The following PRRC2C variants were observed in gnomAD, a reference collection of about 807,000 sequenced individuals.
PRRC2C encodes proline rich coiled-coil 2C, also known as protein PRRC2C.
In PRRC2C, 72 loss-of-function variants were observed where a neutral mutation model predicts 317.2. That is an observed-to-expected ratio of 0.23 (90% CI 0.19 to 0.28). The LOEUF (loss-of-function observed/expected upper bound fraction) is 0.28. Among genes scored for constraint, PRRC2C ranks in the 10% least tolerant of loss-of-function variants. The probability of loss-of-function intolerance (pLI) is 1.00; values close to 1 mark genes in which losing one functional copy is unlikely to be tolerated. For missense variants in PRRC2C, 3,074 were observed against 3,459.7 expected, an observed-to-expected ratio of 0.89 and a Z score of 2.80; for synonymous variants, 1,296 against 1,205.9, an observed-to-expected ratio of 1.07 and a Z score of -1.55.
intron 30 of PRRC2C, among the ~76,000 whole-genome samples, chr1:171,586,288 C>T (rs1429376875): frequency 4.0e-5 from 6 of 149,628 alleles, no homozygotes; most frequent in Non-Finnish European, 7.4e-5. Context: ...ACGGAGTTTC[C>T]CCATGTTGGC....
intron 29 of PRRC2C, 69 bp from the exon 30 acceptor site, chr1:171,584,350 A>G (rs1649370192): frequency 1.4e-6 from 2 of 1,433,154 alleles, no homozygotes; most frequent in Admixed American, 2.6e-5. Flanking sequence ...CTTTGAAGTC[A>G]TAATCTCCAC....
intron 13 of PRRC2C, 99 bp downstream of exon 13, chr1:171,535,696 A>G (rs1212072991): frequency 1.5e-5 from 20 of 1,330,744 alleles, no homozygotes; most frequent in East Asian, 9.2e-5. Flanking sequence ...CGTAAAGCAC[A>G]CAAAGTTCCC....
intron 28 of PRRC2C, among the ~76,000 whole-genome samples, chr1:171,580,737 A>T (rs1319658482): frequency 1.3e-5 from 2 of 152,200 alleles, no homozygotes; most frequent in Non-Finnish European, 2.9e-5. Flanking sequence ...AAGAAGAGTG[A>T]GTAAGAGTCA....
intron 20 of PRRC2C, among the ~76,000 whole-genome samples, chr1:171,565,819 A>G (rs1476964140): frequency 6.6e-6 from 1 of 152,170 alleles, no homozygotes; most frequent in African/African-American, 2.4e-5. Context: ...AGTTTTTATT[A>G]TATTTCTTAA....
At position 171,531,487 on chromosome 1, in the gene PRRC2C, A is replaced by G. The variant is rs140013291; in HGVS notation, c.1255-856A>G. ...AATGGTAGTCTGCATTCATTTAAAA[A>G]GATAGTCAAGTGTTTTCGTTGTGTC... On this transcript the variant is annotated intron_variant, in intron 11 of 34. Coordinates refer to ENST00000647382, the MANE Select transcript of PRRC2C (RefSeq NM_001387844.1). Among the ~76,000 whole-genome samples the G allele has an allele frequency of 4.6e-5, 7 of 152,366 alleles. No individual in the cohort carries two copies. The East Asian group carries it at 1.3e-3, about 29-fold the overall frequency.
rs532558312 is a variant in PRRC2C at position 171,592,565 on chromosome 1, GA to G, written c.*720del. The G allele has an allele frequency of 6.9e-4, 105 of 152,346 alleles. No homozygotes were observed. Among genetic ancestry groups the G allele is most frequent in the African/African-American group, 2.5e-3 (104 of 41,578 alleles). 9.4% of individuals were successfully genotyped at this position (152,346 alleles called of 1,614,324 possible). ...TGTTTTGGTTGTGGTCTGAAGCTTT[GA>G]AGCGCTACTTAGCATCTCCTTTCTT... On this transcript the variant is annotated 3_prime_UTR_variant, in exon 35 of 35. Coordinates refer to ENST00000647382, the MANE Select transcript of PRRC2C (RefSeq NM_001387844.1).
At chr1:171,548,034 C>T (rs1263258177) in intron 17 of PRRC2C, among the ~76,000 whole-genome samples, 1 of 152,106 alleles carries the variant, frequency 6.6e-6, no homozygotes, top group Non-Finnish European at 1.5e-5. Context: ...GGCGTGATCT[C>T]GGCTCACTGC....
In PRRC2C at chr1:171,537,473, G is replaced by A. The variant is rs1024021920; in HGVS notation, c.2504G>A (p.Arg835Lys). Reference sequence around the variant, plus strand: ...GCAACAGAAGAGCCTGAGGATGTAAGGTAATAAATTATTTCAATTTAATAG... The same window carrying A: ...GCAACAGAAGAGCCTGAGGATGTAAAGTAATAAATTATTTCAATTTAATAG... Reference protein sequence around the residue: ...PKATEEPEDVRSEAALDQEQI... With the variant: ...PKATEEPEDVKSEAALDQEQI... The change falls in exon 15 of 35, where the codon AGG becomes AAG. Residue 835 changes from arginine to lysine, a missense_variant and splice_region_variant. This residue lies in a region of PRRC2C where 1,320 missense variants were observed against 1,395.7 expected (regional missense o/e 0.95). Coordinates refer to ENST00000647382, the MANE Select transcript of PRRC2C (RefSeq NM_001387844.1). 4 of 1,556,704 alleles carry A rather than the reference G, an allele frequency of 2.6e-6. No individual in the cohort carries two copies. In the African/African-American group the frequency reaches 4.1e-5, roughly 16 times the overall value.
intron 28 of PRRC2C, among the ~76,000 whole-genome samples, chr1:171,583,421 A>C (rs982380545): frequency 6.6e-6 from 1 of 152,050 alleles, no homozygotes; most frequent in East Asian, 1.9e-4. Flanking sequence ...CTACCTCCAC[A>C]TCCTGTCCCA....
rs568834325 is a variant in PRRC2C at position 171,566,685 on chromosome 1, C to G, written c.6400C>G (p.Gln2134Glu). The part of the protein sequence containing the change: ...SLKNRKVKDA[Q>E]QVEPEGQEKP... The stretch of plus-strand genomic sequence containing the variant: ...AAAAAATAGAAAAGTAAAAGATGCC[C>G]AACAGGTGGAGCCAGAAGGACAAGA... The change falls in exon 22 of 35, where the codon CAA becomes GAA. Residue 2134 changes from glutamine (Q) to glutamate (E), a missense_variant. Physicochemically the swap from Gln to Glu is conservative, Grantham distance 29. This residue lies in a region of PRRC2C where 640 missense variants were observed against 676.1 expected (regional missense o/e 0.95). Transcript: ENST00000647382. 1 of 1,612,820 alleles carries G rather than the reference C, an allele frequency of 6.2e-7. No homozygotes were observed. Among genetic ancestry groups the G allele is most frequent in the East Asian group, 2.2e-5 (1 of 44,810 alleles).
intron 7 of PRRC2C, 154 bp downstream of exon 7, chr1:171,522,413 T>G: frequency 2.4e-6 from 1 of 422,162 alleles, no homozygotes; most frequent in Non-Finnish European, 4.3e-6. Flanking sequence ...CTAACTCTTA[T>G]AAGACAGAAC....
At chr1:171,505,323 C>T (rs139877155) in intron 1 of PRRC2C, among the ~76,000 whole-genome samples, 345 of 152,222 alleles carry the variant, frequency 2.3e-3, no homozygotes, top group African/African-American at 7.8e-3. Context: ...CCACCGTGTC[C>T]GGCTGTATTT....
chr1:171,544,336 C>T (rs235465), intron 16 of PRRC2C, among the ~76,000 whole-genome samples: 124,087 of 152,054 alleles, frequency 0.82, 50,718 homozygotes, highest in Middle Eastern at 0.91. Flanking sequence ...GTTTGCCAGG[C>T]TGGTCTCGAA....
intron 28 of PRRC2C, among the ~76,000 whole-genome samples, chr1:171,583,586 G>A (rs1237458548): frequency 6.6e-6 from 1 of 152,178 alleles, no homozygotes; most frequent in Non-Finnish European, 1.5e-5. Context: ...AAAATGTATA[G>A]TAAATACATA....
intron 11 of PRRC2C, among the ~76,000 whole-genome samples, chr1:171,529,212 A>G (rs1239616011): frequency 3.3e-5 from 5 of 152,096 alleles, no homozygotes; most frequent in Non-Finnish European, 7.4e-5. Flanking sequence ...CCTTTTTCTC[A>G]GTCCATTTTA....
chr1:171,573,660 A>G (rs994024253), intron 24 of PRRC2C, among the ~76,000 whole-genome samples: 1 of 137,194 alleles, frequency 7.3e-6, no homozygotes. Context: ...AATATGTACT[A>G]TGTCTCAAAA....
rs1020725798 is a variant in PRRC2C, at chr1:171,523,536, T to C, written c.1055+14T>C. On this transcript the variant is annotated intron_variant, in intron 9 of 34. Transcript: ENST00000647382. ...AGAGAATAACAGGTAAGTTGTGATA[T>C]CTTTTACTAATAACAGTATGAATTT... 6.3e-6 allele frequency: 10 copies of C among 1,578,572 alleles called. No individual in the cohort carries two copies. The Admixed American group carries it at 1.4e-4, about 21-fold the overall frequency.
chr1:171,557,295 C>A lies in PRRC2C; in HGVS notation c.5183C>A (p.Pro1728His). The change falls in exon 19 of 35, where the codon CCT (proline) becomes CAT (histidine). Residue 1728 changes from proline to histidine, a missense_variant. By Grantham distance (77) the Pro-to-His change is moderately conservative. This residue lies in a region of PRRC2C where 640 missense variants were observed against 676.1 expected (regional missense o/e 0.95). Coordinates refer to ENST00000647382, the MANE Select transcript of PRRC2C (RefSeq NM_001387844.1). ...EKGRSQTSKL[P>H]PRFAKKQATG... ...GGAAGAAGCCAGACTTCTAAGCTTC[C>A]TCCAAGATTTGCCAAAAAACAGGCT... 1 of 1,551,950 alleles carries A rather than the reference C, an allele frequency of 6.4e-7. No individual in the cohort carries two copies. The highest frequency in any genetic ancestry group is 8.7e-7 in the Non-Finnish European group (1 of 1,147,034).
intron 1 of PRRC2C, chr1:171,510,413 T>C (rs905391793): frequency 1.3e-5 from 2 of 151,014 alleles, no homozygotes; most frequent in African/African-American, 4.9e-5. Flanking sequence ...CATCAGTTCC[T>C]TTTTTTTTCA....
Sources: gnomAD v4.1 joint callset for allele counts (sites outside exome capture counted in the v4.1 genomes callset) on GRCh38, gnomAD v4.1.1 for gene constraint, gnomAD v4.1.1 regional missense constraint, MANE v1.5 for transcripts, NCBI Gene and HGNC (gene_info 2026-07-23, HGNC 2026-07-21) for gene names.